Variants in PCDHA4 observed in about 807,000 individuals in gnomAD.
PCDHA4 encodes the protein protocadherin alpha 4.
A neutral mutation model predicts 61.4 loss-of-function variants in PCDHA4; 49 were observed. The ratio of observed to expected loss-of-function variants is 0.80; its 90% CI spans 0.63 to 1.01. The LOEUF is 1.01. Among genes scored for constraint, PCDHA4 ranks in the 50% least tolerant of loss-of-function variants. The probability of loss-of-function intolerance (pLI) is 0.00; values close to 1 mark genes in which losing one functional copy is unlikely to be tolerated. For missense variants in PCDHA4, 1,254 were observed against 1,235.8 expected, an observed-to-expected ratio of 1.01 and a Z score of -0.22; for synonymous variants, 590 against 550.3, an observed-to-expected ratio of 1.07 and a Z score of -1.01.
At chr5:140,893,780 C>G (rs966071281) in intron 1 of PCDHA4, among the ~76,000 whole-genome samples, 1 of 151,980 alleles carries the variant, frequency 6.6e-6, no homozygotes. Flanking sequence ...TTTCTTTTAC[C>G]GTTTTTAGAA....
rs2150374471 is a variant in PCDHA4, at chr5:140,844,869, T to C, written c.2385+35297T>C. Among the ~76,000 whole-genome samples the C allele has an allele frequency of 2.0e-5, 3 of 149,476 alleles. No homozygotes were observed. The Admixed American group carries it at 2.0e-4, about 10-fold the overall frequency. On this transcript the variant is annotated intron_variant, in intron 1 of 3. Transcript: ENST00000530339. ...CTGTTGGACCTGCCTGGATATTAAA[T>C]ACCCATTAGACTTCGTGCATATTGC... is the stretch of plus-strand genomic sequence containing the variant.
chr5:140,883,251 T>C, intron 1 of PCDHA4: 1 of 1,614,086 alleles, frequency 6.2e-7, no homozygotes, highest in Non-Finnish European at 8.5e-7. Flanking sequence ...AAAGGAAATA[T>C]TCCAATGGCG....
chr5:140,875,291 T>C, intron 1 of PCDHA4: 2 of 1,397,914 alleles, frequency 1.4e-6, no homozygotes, highest in Non-Finnish European at 1.9e-6. Flanking sequence ...AACAGGAAAA[T>C]TTTTTTCTCC....
At chr5:140,813,383 C>T (rs1488394343) in intron 1 of PCDHA4, 1 of 152,164 alleles carries the variant, frequency 6.6e-6, no homozygotes, top group African/African-American at 2.4e-5. Context: ...GTTACATGAT[C>T]TATTGCTTCT....
intron 1 of PCDHA4, among the ~76,000 whole-genome samples, chr5:140,920,608 G>A (rs2153558027): frequency 6.6e-6 from 1 of 152,286 alleles, no homozygotes; most frequent in Non-Finnish European, 1.5e-5. Flanking sequence ...CACTTTGGGA[G>A]GCCGAGGCGG....
intron 1 of PCDHA4, among the ~76,000 whole-genome samples, chr5:140,894,646 C>A (rs1481747888): frequency 2.0e-5 from 3 of 151,766 alleles, no homozygotes; most frequent in African/African-American, 7.3e-5. Flanking sequence ...ATTACTGAGT[C>A]TCTCTAATTC....
chr5:140,906,262 A>AAT (rs2072503500), intron 1 of PCDHA4, among the ~76,000 whole-genome samples: 2 of 152,306 alleles, frequency 1.3e-5, no homozygotes, highest in African/African-American at 4.8e-5. Flanking sequence ...CACCTCCTGA[A>AAT]ATTATAGATA....
rs533343357 is a variant in PCDHA4, at chr5:140,856,093, C to G, written c.2385+46521C>G. 1.3e-6 allele frequency: 2 copies of G among 1,597,146 alleles called. 1 individual carries two copies. Among genetic ancestry groups the G allele is most frequent in the Non-Finnish European group, 1.7e-6 (2 of 1,166,952 alleles). On this transcript the variant is annotated intron_variant, in intron 1 of 3. Transcript: ENST00000530339. ...GCCTGGGGGTCCAGTGTCTGCTGCT[C>G]TCGCTTCTTCTCCTCGCAGCCTGGG... is the stretch of plus-strand genomic sequence containing the variant.
At chr5:140,842,966 G>A (rs1481565497) in intron 1 of PCDHA4, 7 of 1,595,016 alleles carry the variant, frequency 4.4e-6, no homozygotes, top group East Asian at 2.2e-5. Context: ...GGGCAGCAAC[G>A]TGACGCTGCA....
chr5:140,877,531 G>C, intron 1 of PCDHA4: 1 of 1,613,792 alleles, frequency 6.2e-7, no homozygotes, highest in Non-Finnish European at 8.5e-7. Context: ...AGTGGGCGCT[G>C]TGGATCCCGA....
In PCDHA4 at chr5:140,851,831, A is replaced by T. The variant is rs1171493624; in HGVS notation, c.2385+42259A>T. 16 of 968,114 alleles carry T rather than the reference A, an allele frequency of 1.7e-5. 1 individual carries two copies. Among genetic ancestry groups the T allele is most frequent in the Middle Eastern group, 5.3e-4 (1 of 1,876 alleles). 60.0% of individuals were successfully genotyped at this position (968,114 alleles called of 1,614,324 possible). On this transcript the variant is annotated intron_variant, in intron 1 of 3. Transcript: ENST00000530339. ...CCATAAGACAGAAATCTGTTTTTTT[A>T]AAAATATCTTTTTCTCCTCTCAGCT...
chr5:140,999,027 T>A (rs2097843534), intron 3 of PCDHA4, among the ~76,000 whole-genome samples: 1 of 152,262 alleles, frequency 6.6e-6, no homozygotes, highest in Admixed American at 6.5e-5. Flanking sequence ...AGACTTTTGA[T>A]ACTTCGTCCA....
intron 1 of PCDHA4, among the ~76,000 whole-genome samples, chr5:140,819,231 C>T (rs1173348496): frequency 6.6e-6 from 1 of 152,110 alleles, no homozygotes; most frequent in Admixed American, 6.5e-5. Flanking sequence ...TTCAACATTT[C>T]CTCTTCTCTG....
intron 1 of PCDHA4, among the ~76,000 whole-genome samples, chr5:140,910,535 T>G (rs2153515129): frequency 6.6e-6 from 1 of 152,274 alleles, no homozygotes; most frequent in African/African-American, 2.4e-5. Flanking sequence ...CCCTCACAAA[T>G]CTATTTTGCA....
At chr5:140,953,952 C>G (rs1025145135) in intron 1 of PCDHA4, among the ~76,000 whole-genome samples, 1 of 152,084 alleles carries the variant, frequency 6.6e-6, no homozygotes, top group Non-Finnish European at 1.5e-5. Flanking sequence ...GCTCCCCCAA[C>G]AGGCCCCAGT....
At chr5:140,826,181 T>C (rs2150142840) in intron 1 of PCDHA4, among the ~76,000 whole-genome samples, 1 of 152,354 alleles carries the variant, frequency 6.6e-6, no homozygotes, top group Admixed American at 6.5e-5. Context: ...ATTCTATAAA[T>C]CTAAAGTTAA....
chr5:140,949,961 G>A lies in PCDHA4; in HGVS notation c.2386-28988G>A, dbSNP rs373865946. ...TTGCATTTTTTAGTGGTTGCTGTAA[G>A]GATTACAGCATACATACTTAACTTT... On this transcript the variant is annotated intron_variant, in intron 1 of 3. Transcript: ENST00000530339. Among the ~76,000 whole-genome samples, 68 of 151,658 alleles carry A rather than the reference G, an allele frequency of 4.5e-4. 1 individual carries two copies. The East Asian group carries it at 0.012, about 28-fold the overall frequency.
intron 1 of PCDHA4, among the ~76,000 whole-genome samples, chr5:140,901,955 G>A (rs2069015305): frequency 6.6e-6 from 1 of 151,848 alleles, no homozygotes; most frequent in Admixed American, 6.6e-5. Flanking sequence ...TTTTATTCGT[G>A]GCTATCGTAA....
At chr5:140,829,978 C>T (rs2150179032) in intron 1 of PCDHA4, 1 of 1,613,968 alleles carries the variant, frequency 6.2e-7, no homozygotes, top group South Asian at 1.1e-5. Context: ...TGTACACGGG[C>T]GAGATCAGCA....
Sources: allele counts gnomAD v4.1 joint callset (sites outside exome capture counted in the v4.1 genomes callset), GRCh38; gene constraint gnomAD v4.1.1; transcripts MANE v1.5; gene names NCBI Gene and HGNC (gene_info 2026-07-23, HGNC 2026-07-21).